Variants in HTR2C observed in about 807,000 individuals in gnomAD.
The protein encoded by HTR2C is 5-hydroxytryptamine (serotonin) receptor 2C, G protein-coupled.
Under a neutral mutation model 21.0 loss-of-function variants are expected in HTR2C, and 5 were observed. The ratio of observed to expected loss-of-function variants is 0.24; its 90% CI spans 0.12 to 0.50. The LOEUF is 0.50. HTR2C is among the 20% of genes least tolerant of loss of function. HTR2C has a pLI of 0.98. For synonymous variants in HTR2C, 150 were observed against 145.3 expected, an observed-to-expected ratio of 1.03 and a Z score of -0.23; for missense variants, 271 against 371.2, an observed-to-expected ratio of 0.73 and a Z score of 2.22.
rs144618891 is a variant in HTR2C, at chrX:114,906,602, T to C, written c.564T>C (p.Pro188=). ...VWAISIGVSV[P]IPVIGLRDEE... ...TTCTTCCTTTAGGTGTATCAGTTCC[T>C]ATCCCTGTGATTGGACTGAGGGACG... Residue 188 remains proline, a synonymous_variant, in exon 6 of 6, where the codon CCT becomes CCC. Coordinates refer to ENST00000276198, the MANE Select transcript of HTR2C (RefSeq NM_000868.4). 140 of 1,197,622 alleles carry C rather than the reference T, an allele frequency of 1.2e-4. No homozygotes were observed. The African/African-American group carries it at 2.3e-3, about 20-fold the overall frequency.
In HTR2C at chrX:114,895,849, G is replaced by T. The variant is rs1480321358; in HGVS notation, c.551-10740G>T. Among the ~76,000 whole-genome samples, 4 of 110,193 alleles carry T rather than the reference G, an allele frequency of 3.6e-5. No homozygotes were observed. In the Admixed American group the frequency reaches 3.9e-4, roughly 11 times the overall value. On this transcript the variant is annotated intron_variant, in intron 5 of 5. Coordinates refer to ENST00000276198, the MANE Select transcript of HTR2C (RefSeq NM_000868.4). The stretch of plus-strand genomic sequence containing the variant: ...CTAAAAATACAAAAATTAGCCAGGA[G>T]TGGTGGCGGGTGCCTCTAATCCCAG...
At chrX:114,721,841 T>G (rs1175765634) in intron 2 of HTR2C, among the ~76,000 whole-genome samples, 1 of 108,522 alleles carries the variant, frequency 9.2e-6, no homozygotes, top group Non-Finnish European at 1.9e-5. Context: ...TATGCGGCGT[T>G]ATTTCTGAGG....
At chrX:114,665,944 G>A (rs1271269056) in intron 2 of HTR2C, among the ~76,000 whole-genome samples, 22 of 111,597 alleles carry the variant, frequency 2.0e-4, no homozygotes, top group Admixed American at 1.7e-3. Context: ...CTTCTTTTTC[G>A]CAGGTATACC....
At chrX:114,833,674 G>A (rs1469054495) in intron 4 of HTR2C, among the ~76,000 whole-genome samples, 2 of 109,580 alleles carry the variant, frequency 1.8e-5, no homozygotes, top group Non-Finnish European at 3.8e-5. Context: ...TTAATTTTTT[G>A]AAGGGTTTTT....
intron 2 of HTR2C, among the ~76,000 whole-genome samples, chrX:114,679,646 T>C (rs1419251004): frequency 9.0e-6 from 1 of 111,677 alleles, no homozygotes; most frequent in African/African-American, 3.3e-5. Context: ...CACACTCAAC[T>C]GGAATGTAAA....
intron 2 of HTR2C, among the ~76,000 whole-genome samples, chrX:114,677,371 G>A (rs1230282257): frequency 1.8e-5 from 2 of 111,314 alleles, no homozygotes; most frequent in East Asian, 5.6e-4. Flanking sequence ...GATTCAGACA[G>A]TTTGATGATT....
At chrX:114,884,513 C>T (rs1380297786) in intron 5 of HTR2C, among the ~76,000 whole-genome samples, 1 of 110,624 alleles carries the variant, frequency 9.0e-6, no homozygotes, top group Non-Finnish European at 1.9e-5. Context: ...AGACATTTCT[C>T]AAAAGAAGAC....
chrX:114,627,383 TTAAC>T (rs1354173769), intron 2 of HTR2C, among the ~76,000 whole-genome samples: 1 of 111,044 alleles, frequency 9.0e-6, no homozygotes, highest in African/African-American at 3.3e-5. Context: ...ATTAGATTAA[TTAAC>T]TAAGGTAATG....
chrX:114,700,592 A>T (rs2147307654), intron 2 of HTR2C, among the ~76,000 whole-genome samples: 1 of 112,719 alleles, frequency 8.9e-6, no homozygotes, highest in South Asian at 3.6e-4. Flanking sequence ...AGATGGCCAA[A>T]TAGGAACAGC....
chrX:114,592,283 TA>T (rs1184625941), intron 1 of HTR2C, among the ~76,000 whole-genome samples: 4 of 112,562 alleles, frequency 3.6e-5, no homozygotes, highest in Non-Finnish European at 7.5e-5. Flanking sequence ...ATTCAGAATT[TA>T]AAAGTGAAAA....
chrX:114,703,565 G>T (rs1364753475), intron 2 of HTR2C, among the ~76,000 whole-genome samples: 1 of 111,857 alleles, frequency 8.9e-6, no homozygotes, highest in Non-Finnish European at 1.9e-5. Context: ...AAAGCAGTGA[G>T]TAGAAGGAAA....
chrX:114,790,543 A>C (rs2070220751), intron 4 of HTR2C, among the ~76,000 whole-genome samples: 1 of 111,917 alleles, frequency 8.9e-6, no homozygotes, highest in South Asian at 3.7e-4. Context: ...ATAATTTTCT[A>C]CTTTATGGGA....
chrX:114,805,571 C>CACACCATATATAT (rs1225709388), intron 4 of HTR2C, among the ~76,000 whole-genome samples: 1,088 of 11,504 alleles, frequency 0.095, 314 homozygotes, highest in East Asian at 0.72. Context: ...CATATAGATA[C>CACACCATATATAT]ACACCATATA....
chrX:114,689,599 T>G (rs1556414852), intron 2 of HTR2C, among the ~76,000 whole-genome samples: 1 of 110,609 alleles, frequency 9.0e-6, no homozygotes, highest in African/African-American at 3.3e-5. Flanking sequence ...TGCATTTCCC[T>G]GATAATTGGT....
At chrX:114,815,915 C>A (rs1176242807) in intron 4 of HTR2C, among the ~76,000 whole-genome samples, 4 of 110,841 alleles carry the variant, frequency 3.6e-5, no homozygotes, top group African/African-American at 1.3e-4. Flanking sequence ...TCACAAATAT[C>A]ATTCTATGAC....
intron 4 of HTR2C, among the ~76,000 whole-genome samples, chrX:114,831,619 T>C (rs1357688971): frequency 1.9e-5 from 2 of 105,815 alleles, no homozygotes; most frequent in Admixed American, 2.1e-4. Flanking sequence ...GATGAGTAGG[T>C]TGCGAAAATT....
At chrX:114,805,200 G>A (rs2070389490) in intron 4 of HTR2C, among the ~76,000 whole-genome samples, 1 of 110,523 alleles carries the variant, frequency 9.0e-6, no homozygotes, top group Admixed American at 9.8e-5. Flanking sequence ...TTACTCTGTA[G>A]CCATTTTTTC....
At chrX:114,733,706 G>C (rs1453473532) in intron 4 of HTR2C, among the ~76,000 whole-genome samples, 1 of 109,568 alleles carries the variant, frequency 9.1e-6, no homozygotes, top group African/African-American at 3.3e-5. Flanking sequence ...TCCCTCTACT[G>C]TCTCCCACTG....
chrX:114,701,694 G>A (rs1195489944), intron 2 of HTR2C, among the ~76,000 whole-genome samples: 5 of 112,319 alleles, frequency 4.5e-5, no homozygotes, highest in African/African-American at 1.6e-4. Context: ...ACCAGCAACG[G>A]AACAAAGCTG....
Sources: allele counts gnomAD v4.1 joint callset (sites outside exome capture counted in the v4.1 genomes callset), GRCh38; gene constraint gnomAD v4.1.1; transcripts MANE v1.5; gene names NCBI Gene and HGNC (gene_info 2026-07-23, HGNC 2026-07-21).